ODR4: variants seen among roughly 807,000 people sequenced by gnomAD.
ODR4 encodes the protein protein odr-4 homolog.
Under a neutral mutation model 60.2 loss-of-function variants are expected in ODR4, and 47 were observed. The ratio of observed to expected loss-of-function variants is 0.78; its 90% CI spans 0.62 to 1.00. The LOEUF is 1.00. Among genes scored for constraint, ODR4 ranks in the 50% least tolerant of loss-of-function variants. ODR4 has a pLI of 0.00. For synonymous variants in ODR4, 178 were observed against 175.5 expected, an observed-to-expected ratio of 1.01 and a Z score of -0.11; for missense variants, 488 against 530.8, an observed-to-expected ratio of 0.92 and a Z score of 0.79.
At chr1:186,391,390 CTTT>C (rs1233993373) in intron 7 of ODR4, among the ~76,000 whole-genome samples, 2 of 136,844 alleles carry the variant, frequency 1.5e-5, no homozygotes, top group South Asian at 2.3e-4. Flanking sequence ...TTTTTTCTCA[CTTT>C]TTTTTTTAAG....
At chr1:186,409,034 C>T (rs1661276023) in intron 12 of ODR4, among the ~76,000 whole-genome samples, 1 of 151,836 alleles carries the variant, frequency 6.6e-6, no homozygotes, top group African/African-American at 2.4e-5. Context: ...GGTTTATATT[C>T]TTTCTTTACA....
At chr1:186,388,014 T>G (rs984561001) in intron 4 of ODR4, among the ~76,000 whole-genome samples, 2 of 152,232 alleles carry the variant, frequency 1.3e-5, no homozygotes, top group Non-Finnish European at 2.9e-5. Context: ...TCATTTCTCA[T>G]TCTAATTAAA....
the ODR4 span, among the ~76,000 whole-genome samples, chr1:186,431,844 G>C: frequency 6.6e-6 from 1 of 152,192 alleles, no homozygotes; most frequent in Non-Finnish European, 1.5e-5. Context: ...AGGAAGTACA[G>C]ACTTTCATGG....
intron 9 of ODR4, 104 bp from the exon 10 acceptor site, chr1:186,398,209 C>A: frequency 9.2e-7 from 1 of 1,081,944 alleles, no homozygotes; most frequent in Non-Finnish European, 1.2e-6. Context: ...TTGGCTCAGT[C>A]AAAACTTTGT....
At chr1:186,396,335 A>G (rs960092568) in intron 9 of ODR4, among the ~76,000 whole-genome samples, 8 of 152,172 alleles carry the variant, frequency 5.3e-5, no homozygotes, top group Non-Finnish European at 8.8e-5. Context: ...CTGGCTGAGC[A>G]TGGTAGCTCA....
At chr1:186,417,765 A>G (rs984823469) in intron 13 of ODR4, 111 bp downstream of exon 13, 13 of 659,050 alleles carry the variant, frequency 2.0e-5, no homozygotes, top group African/African-American at 1.8e-4. Flanking sequence ...GCTAGACTTA[A>G]CAGTATTTAT....
rs900288805 is a variant in ODR4, at chr1:186,390,654, T to C, written c.475-57T>C. 7.8e-6 allele frequency: 12 copies of C among 1,536,600 alleles called. No individual in the cohort carries two copies. In the Admixed American group the frequency reaches 2.1e-4, roughly 26 times the overall value. On this transcript the variant is annotated intron_variant, in intron 6 of 13. Transcript: ENST00000287859. ...TGTATATTTAATAATGTTTTGTTGA[T>C]CCATGTATTTTATCTAGACTACATC...
intron 11 of ODR4, chr1:186,401,010 T>TTA (rs1660921181): frequency 6.4e-7 from 1 of 1,568,828 alleles, no homozygotes; most frequent in African/African-American, 1.3e-5. Flanking sequence ...ACAGTGTATA[T>TTA]TATAGCTGCA....
At chr1:186,409,880 ATGTTT>A (rs1661307120) in intron 12 of ODR4, among the ~76,000 whole-genome samples, 1 of 151,994 alleles carries the variant, frequency 6.6e-6, no homozygotes, top group South Asian at 2.1e-4. Context: ...TGTAGATACT[ATGTTT>A]TTACTAACTT....
At chr1:186,434,204 G>T in the ODR4 span, among the ~76,000 whole-genome samples, 1 of 151,938 alleles carries the variant, frequency 6.6e-6, no homozygotes, top group Non-Finnish European at 1.5e-5. Flanking sequence ...CTCTTTAAAT[G>T]TATTTGTCTG....
At chr1:186,413,146 C>T (rs1321643588) in intron 12 of ODR4, among the ~76,000 whole-genome samples, 1 of 151,850 alleles carries the variant, frequency 6.6e-6, no homozygotes, top group Non-Finnish European at 1.5e-5. Context: ...GTCTGAAATA[C>T]AAAATGCTCC....
chr1:186,398,220 T>C, intron 9 of ODR4, 93 bp from the exon 10 acceptor site: 6 of 1,183,708 alleles, frequency 5.1e-6, no homozygotes, highest in Non-Finnish European at 6.7e-6. Context: ...AAAACTTTGT[T>C]CTCTCTTCAT....
At chr1:186,423,077 C>T (rs991950991), downstream of ODR4, among the ~76,000 whole-genome samples, 2 of 151,936 alleles carry the variant, frequency 1.3e-5, no homozygotes, top group African/African-American at 4.8e-5. Flanking sequence ...TAAATTGGCT[C>T]AGGAAGAAAT....
At chr1:186,431,258 A>G in the ODR4 span, among the ~76,000 whole-genome samples, 2 of 152,212 alleles carry the variant, frequency 1.3e-5, no homozygotes, top group Non-Finnish European at 2.9e-5. Context: ...TGATGAAAAT[A>G]AAGATTTGTA....
At chr1:186,434,175 ATATC>A in the ODR4 span, among the ~76,000 whole-genome samples, 4 of 152,042 alleles carry the variant, frequency 2.6e-5, no homozygotes, top group Non-Finnish European at 5.9e-5. Context: ...ATATATTTCT[ATATC>A]TAATAATGCT....
At chr1:186,383,185 A>C in intron 3 of ODR4, 29 bp downstream of exon 3, 1 of 1,536,660 alleles carries the variant, frequency 6.5e-7, no homozygotes, top group Non-Finnish European at 8.8e-7. Context: ...TTATATGTTT[A>C]AGTTTTATTT....
rs1473120974 is a variant in ODR4, at chr1:186,420,965, A to G, written c.*1889A>G. On this transcript the variant is annotated 3_prime_UTR_variant, in exon 14 of 14. Coordinates refer to ENST00000287859, the MANE Select transcript of ODR4 (RefSeq NM_017847.6). ...CTCAAGGTATTGTAAATGACAAGAT[A>G]CCAAATACAAGATTTTAAAAGCAAC... The G allele has an allele frequency of 2.0e-5, 3 of 152,244 alleles. No homozygotes were observed. Among genetic ancestry groups the G allele is most frequent in the Non-Finnish European group, 4.4e-5 (3 of 68,044 alleles). The allele number at this position is 152,244 out of a possible 1,614,324, so 9.4% of individuals were successfully genotyped here. A position where few individuals can be genotyped will look rare whatever the true frequency, so the allele number is the denominator to read the frequency against.
chr1:186,400,374 G>A (rs1221555480), intron 11 of ODR4, among the ~76,000 whole-genome samples: 2 of 151,768 alleles, frequency 1.3e-5, no homozygotes. Context: ...ATTAGCTTCG[G>A]GTTCCAGCAA....
intron 9 of ODR4, among the ~76,000 whole-genome samples, chr1:186,394,618 A>T (rs1196055433): frequency 6.6e-6 from 1 of 152,236 alleles, no homozygotes; most frequent in Non-Finnish European, 1.5e-5. Context: ...AAGGGTATAA[A>T]ATAGCAAACG....
Sources: gnomAD v4.1 joint callset for allele counts (sites outside exome capture counted in the v4.1 genomes callset) on GRCh38, gnomAD v4.1.1 for gene constraint, MANE v1.5 for transcripts, NCBI Gene and HGNC (gene_info 2026-07-23, HGNC 2026-07-21) for gene names.